LRRC49: variants seen among roughly 807,000 people sequenced by gnomAD.
LRRC49 encodes leucine rich repeat containing 49.
In LRRC49, 50 loss-of-function variants were observed where a neutral mutation model predicts 83.3. The observed-to-expected ratio is 0.60, with a 90% CI of 0.48 to 0.76. LRRC49 has a LOEUF of 0.76. LRRC49 is among the 30% of genes least tolerant of loss of function. The probability of loss-of-function intolerance (pLI) is 0.00; values close to 1 mark genes in which losing one functional copy is unlikely to be tolerated. For synonymous variants in LRRC49, 286 were observed against 283.3 expected (o/e 1.01, Z -0.10); for missense variants, 704 against 809.1 (o/e 0.87, Z 1.58).
chr15:70,898,680 G>A (rs1342988466), intron 3 of LRRC49, among the ~76,000 whole-genome samples: 1 of 152,152 alleles, frequency 6.6e-6, no homozygotes, highest in African/African-American at 2.4e-5. Context: ...GTATTCGAGA[G>A]GCTGAGGTAG....
chr15:71,002,046 G>T (rs953492798), intron 11 of LRRC49, among the ~76,000 whole-genome samples: 1 of 151,928 alleles, frequency 6.6e-6, no homozygotes, highest in Admixed American at 6.6e-5. Context: ...AACATTAGAG[G>T]TTATATTTCT....
intron 2 of LRRC49, chr15:70,882,882 T>C (rs774544675): frequency 6.2e-6 from 10 of 1,613,916 alleles, no homozygotes; most frequent in Non-Finnish European, 2.5e-6. Flanking sequence ...GGGGTTGGGT[T>C]TGCACAAGTT....
chr15:70,990,154 G>C (rs558331568), intron 11 of LRRC49, among the ~76,000 whole-genome samples: 2 of 152,302 alleles, frequency 1.3e-5, no homozygotes, highest in South Asian at 2.1e-4. Flanking sequence ...AACCACTGCT[G>C]TCTTCAAAGC....
intron 9 of LRRC49, among the ~76,000 whole-genome samples, chr15:70,968,326 T>G (rs558780687): frequency 1.3e-5 from 2 of 152,322 alleles, no homozygotes. Context: ...TCATTCTTTT[T>G]TATGGCTGCA....
chr15:70,886,822 C>T (rs767997076), intron 2 of LRRC49, among the ~76,000 whole-genome samples: 18 of 151,782 alleles, frequency 1.2e-4, no homozygotes, highest in African/African-American at 1.7e-4. Flanking sequence ...GCTGAGATTG[C>T]GCCACTGCAC....
At chr15:70,962,888 A>G (rs2036654328) in intron 8 of LRRC49, among the ~76,000 whole-genome samples, 1 of 152,102 alleles carries the variant, frequency 6.6e-6, no homozygotes, top group Non-Finnish European at 1.5e-5. Context: ...GTAACTTTAC[A>G]TTGGAGAAAC....
At chr15:71,034,575 A>G (rs2039460867) in intron 14 of LRRC49, among the ~76,000 whole-genome samples, 1 of 152,212 alleles carries the variant, frequency 6.6e-6, no homozygotes, top group South Asian at 2.1e-4. Context: ...TATAACATGT[A>G]CATGTATGTT....
chr15:70,962,447 A>G (rs2036636133), intron 8 of LRRC49, among the ~76,000 whole-genome samples: 1 of 152,128 alleles, frequency 6.6e-6, no homozygotes, highest in Non-Finnish European at 1.5e-5. Flanking sequence ...CCACAGTAGC[A>G]AGAAGTACAC....
At position 71,037,194 on chromosome 15, in the gene LRRC49, G is replaced by C. The variant is rs772469000; in HGVS notation, c.1719G>C (p.Arg573=). Reference sequence around the variant, plus strand: ...CTTTCTACAGGAAAAAGCAATTTCGGTATCTACTAGAATCCAAAGGAAAAA... The same window carrying C: ...CTTTCTACAGGAAAAAGCAATTTCGCTATCTACTAGAATCCAAAGGAAAAA... ...ILGDARKKQF[R]YLLESKGKKP... Residue 573 remains arginine (R), a synonymous_variant, in exon 15 of 16, where the codon CGG becomes CGC. Coordinates refer to ENST00000260382, the MANE Select transcript of LRRC49 (RefSeq NM_017691.5). 9 of 1,605,042 alleles carry C rather than the reference G, an allele frequency of 5.6e-6. No individual in the cohort carries two copies. In the Admixed American group the frequency reaches 1.4e-4, roughly 25 times the overall value.
At chr15:70,889,033 A>G (rs537114392), upstream of LRRC49, among the ~76,000 whole-genome samples, 2 of 152,272 alleles carry the variant, frequency 1.3e-5, no homozygotes, top group South Asian at 4.1e-4. Flanking sequence ...TTAGAAAACT[A>G]TTTGGTATTA....
At chr15:70,993,102 C>T (rs1410094123) in intron 11 of LRRC49, among the ~76,000 whole-genome samples, 4 of 152,176 alleles carry the variant, frequency 2.6e-5, no homozygotes, top group Admixed American at 6.5e-5. Flanking sequence ...CCGCAAGCCT[C>T]GCTGCCACCT....
chr15:70,892,903 C>A lies in LRRC49; in HGVS notation c.9C>A (p.Pro3=). The change falls in exon 1 of 16, where the codon CCC becomes CCA. Residue 3 remains proline (P), a synonymous_variant. Transcript: ENST00000260382. ...CTGGACTGTCTCCTATCATGATTCCCGGGAAATATCGCTCTGTTTCTGGCC... is the reference window on the plus strand; with the variant it reads ...CTGGACTGTCTCCTATCATGATTCCAGGGAAATATCGCTCTGTTTCTGGCC... MI[P]GKYRSVSGRA... 1 of 1,614,232 alleles carries A rather than the reference C, an allele frequency of 6.2e-7. No homozygotes were observed. Among genetic ancestry groups the A allele is most frequent in the Non-Finnish European group, 8.5e-7 (1 of 1,180,050 alleles).
rs35998597 is a variant in LRRC49, at chr15:71,002,939, C to CTTTTT, written c.1170-5418_1170-5414dup. 1.4e-3 allele frequency among the ~76,000 whole-genome samples: 62 copies of CTTTTT among 43,036 alleles called. 18 individuals carry two copies. The highest frequency in any genetic ancestry group is 2.6e-3 in the East Asian group (3 of 1,136). 28.2% of individuals were successfully genotyped at this position (43,036 alleles called of 152,430 possible). On this transcript the variant is annotated intron_variant, in intron 11 of 15. Coordinates refer to ENST00000260382, the MANE Select transcript of LRRC49 (RefSeq NM_017691.5). ...GAAAAGGCATAGGATATTTTCTGGCCTTTTTTTTTTTTTTTTTTTTTTTTT... is the reference window on the plus strand; with the variant it reads ...GAAAAGGCATAGGATATTTTCTGGCCTTTTTTTTTTTTTTTTTTTTTTTTTTTTTT...
intron 2 of LRRC49, among the ~76,000 whole-genome samples, chr15:70,875,817 A>AG (rs1595974196): frequency 6.6e-6 from 1 of 152,362 alleles, no homozygotes; most frequent in East Asian, 1.9e-4. Context: ...GTATTCAGCC[A>AG]GGGTGAAAGA....
At position 71,051,172 on chromosome 15, in the gene LRRC49, T is replaced by G. The variant is rs1310373614; in HGVS notation, c.*1560T>G. The G allele has an allele frequency of 6.6e-6, 1 of 152,294 alleles. No individual in the cohort carries two copies. The highest frequency in any genetic ancestry group is 6.5e-5 in the Admixed American group (1 of 15,280). 9.4% of individuals were successfully genotyped at this position (152,294 alleles called of 1,614,324 possible). A position where few individuals can be genotyped will look rare whatever the true frequency, so the allele number is the denominator to read the frequency against. ...TTTTTTCATCTTGGCACTTAGGCCATCAGCTTACTAGTGTGTAACCTCAGT... is the reference window on the plus strand; with the variant it reads ...TTTTTTCATCTTGGCACTTAGGCCAGCAGCTTACTAGTGTGTAACCTCAGT... On this transcript the variant is annotated 3_prime_UTR_variant, in exon 16 of 16. Transcript: ENST00000260382.
intron 5 of LRRC49, chr15:70,907,841 T>G: frequency 2.5e-6 from 1 of 392,706 alleles, no homozygotes; most frequent in East Asian, 7.3e-5. Flanking sequence ...AATAAATCTT[T>G]CAGGTCACAT....
At chr15:70,917,254 A>C (rs1207955216) in intron 6 of LRRC49, among the ~76,000 whole-genome samples, 3 of 152,168 alleles carry the variant, frequency 2.0e-5, no homozygotes, top group African/African-American at 7.2e-5. Context: ...GCCTGAGCAG[A>C]AGGGGGCAGG....
chr15:70,981,993 T>G (rs1014332433), intron 10 of LRRC49, among the ~76,000 whole-genome samples: 4 of 151,480 alleles, frequency 2.6e-5, no homozygotes, highest in African/African-American at 9.7e-5. Context: ...GCTATACTCC[T>G]GTCTTAAAAT....
chr15:70,959,347 C>T (rs560607493), intron 8 of LRRC49, among the ~76,000 whole-genome samples: 36 of 151,938 alleles, frequency 2.4e-4, no homozygotes, highest in African/African-American at 8.4e-4. Context: ...AAGAATTAGC[C>T]GGGTGTGGTG....
Sources: allele counts gnomAD v4.1 joint callset (sites outside exome capture counted in the v4.1 genomes callset), GRCh38; gene constraint gnomAD v4.1.1; transcripts MANE v1.5; gene names NCBI Gene and HGNC (gene_info 2026-07-23, HGNC 2026-07-21).